Variants in AS3MT observed in about 807,000 individuals in gnomAD.
AS3MT encodes arsenite methyltransferase, also known as S-adenosyl-L-methionine:arsenic(III) methyltransferase.
AS3MT carries 47 observed loss-of-function variants against 45.3 expected under a neutral mutation model. The observed-to-expected ratio is 1.04, with a 90% CI of 0.82 to 1.32. The LOEUF (loss-of-function observed/expected upper bound fraction) is 1.32, where lower values mean the gene tolerates loss of function less well. Ranked by LOEUF, AS3MT falls within the 40% of genes most tolerant of loss-of-function variation. AS3MT has a pLI of 0.00. For synonymous variants in AS3MT, 141 were observed against 152.8 expected, an observed-to-expected ratio of 0.92 and a Z score of 0.57; for missense variants, 396 against 451.1, an observed-to-expected ratio of 0.88 and a Z score of 1.11.
chr10:102,895,339 A>G (rs1845145928), intron 10 of AS3MT, among the ~76,000 whole-genome samples: 2 of 151,854 alleles, frequency 1.3e-5, no homozygotes, highest in South Asian at 4.2e-4. Flanking sequence ...CTGGGATTAC[A>G]GGTGCGCCAG....
chr10:102,874,838 C>T (rs1422204099), intron 6 of AS3MT, among the ~76,000 whole-genome samples, 177 bp downstream of exon 6: 3 of 152,170 alleles, frequency 2.0e-5, no homozygotes, highest in Non-Finnish European at 4.4e-5. Context: ...TACTTTCCCT[C>T]TTAGGTTGCA....
At chr10:102,898,329 C>G (rs1377954679) in intron 10 of AS3MT, among the ~76,000 whole-genome samples, 1 of 151,896 alleles carries the variant, frequency 6.6e-6, no homozygotes. Flanking sequence ...GGCGTGGTGG[C>G]TCACACCTGT....
chr10:102,878,843 T>A lies in AS3MT; in HGVS notation c.743-6T>A. Reference sequence around the variant, plus strand: ...GAGATGAACCGTGAATAAATTCTATTTTTAGGTGACTGTCGTTTTGTTTCT... The same window carrying A: ...GAGATGAACCGTGAATAAATTCTATATTTAGGTGACTGTCGTTTTGTTTCT... On this transcript the variant is annotated splice_polypyrimidine_tract_variant and splice_region_variant and intron_variant, in intron 8 of 10. Transcript: ENST00000369880. 2 of 1,611,402 alleles carry A rather than the reference T, an allele frequency of 1.2e-6. No homozygotes were observed. Among genetic ancestry groups the A allele is most frequent in the Middle Eastern group, 3.3e-4 (2 of 6,040 alleles).
In AS3MT at chr10:102,878,379, G is replaced by A. The variant is rs776081980; in HGVS notation, c.611G>A (p.Gly204Asp). ...TTTTTTGTTGTTGTTTGTTTTTTAG[G>A]TGAGTGTCTGGGTGGTGCTTTATAC... Reference protein sequence around the residue: ...EEIRTHKVLWGECLGGALYWK... With the variant: ...EEIRTHKVLWDECLGGALYWK... Residue 204 changes from glycine to aspartate, a missense_variant and splice_region_variant, in exon 8 of 11, where the codon GGT becomes GAT. Transcript: ENST00000369880. The A allele has an allele frequency of 8.1e-6, 13 of 1,612,230 alleles. No individual in the cohort carries two copies. In the East Asian group the frequency reaches 2.9e-4, roughly 36 times the overall value.
At chr10:102,891,457 G>A (rs1390985093) in intron 10 of AS3MT, among the ~76,000 whole-genome samples, 1 of 152,158 alleles carries the variant, frequency 6.6e-6, no homozygotes, top group Admixed American at 6.5e-5. Flanking sequence ...CTCAAAACAG[G>A]ACAATTGGAG....
rs904393626 is a variant in AS3MT at position 102,900,706 on chromosome 10, T to C, written c.*6T>C. 2 of 1,608,774 alleles carry C rather than the reference T, an allele frequency of 1.2e-6. No individual in the cohort carries two copies. Among genetic ancestry groups the C allele is most frequent in the Admixed American group, 1.7e-5 (1 of 59,982 alleles). ...GCACAAAGAAAAGCTGCTAAATCTATAGCCAACCAGGGGACCACAGTAGTG... is the reference window on the plus strand; with the variant it reads ...GCACAAAGAAAAGCTGCTAAATCTACAGCCAACCAGGGGACCACAGTAGTG... On this transcript the variant is annotated 3_prime_UTR_variant, in exon 11 of 11. Coordinates refer to ENST00000369880, the MANE Select transcript of AS3MT (RefSeq NM_020682.4).
intron 9 of AS3MT, 40 bp downstream of exon 9, chr10:102,879,031 G>A (rs753453310): frequency 2.5e-6 from 4 of 1,583,392 alleles, no homozygotes; most frequent in African/African-American, 1.4e-5. Context: ...TATTCTTTCT[G>A]CTCTTGCCCT....
intron 7 of AS3MT, among the ~76,000 whole-genome samples, chr10:102,877,415 T>C (rs1844799303): frequency 6.6e-6 from 1 of 152,150 alleles, no homozygotes; most frequent in Non-Finnish European, 1.5e-5. Flanking sequence ...TATTCCTTTA[T>C]TATCATTTTA....
chr10:102,879,762 C>T (rs1366258124), intron 9 of AS3MT, among the ~76,000 whole-genome samples: 10 of 133,476 alleles, frequency 7.5e-5, no homozygotes, highest in Non-Finnish European at 1.5e-4. Flanking sequence ...GAGTGAGACT[C>T]CATCTCAAAA....
At chr10:102,878,017 C>A (rs1844814413) in intron 7 of AS3MT, among the ~76,000 whole-genome samples, 1 of 152,102 alleles carries the variant, frequency 6.6e-6, no homozygotes, top group Non-Finnish European at 1.5e-5. Flanking sequence ...TCCCAAAGTG[C>A]TGGGATTACA....
chr10:102,890,486 T>G (rs2134127682), intron 9 of AS3MT, 58 bp from the exon 10 acceptor site: 1 of 1,445,914 alleles, frequency 6.9e-7, no homozygotes, highest in African/African-American at 1.4e-5. Flanking sequence ...TGGGCATTTT[T>G]TCTTCTATTG....
intron 9 of AS3MT, among the ~76,000 whole-genome samples, chr10:102,887,430 C>A (rs1844976109): frequency 6.6e-6 from 1 of 152,096 alleles, no homozygotes; most frequent in Admixed American, 6.6e-5. Flanking sequence ...TTAGAGTCCC[C>A]TACTACTATT....
chr10:102,878,006 C>T (rs1215578887), intron 7 of AS3MT, among the ~76,000 whole-genome samples: 1 of 152,100 alleles, frequency 6.6e-6, no homozygotes, highest in Non-Finnish European at 1.5e-5. Context: ...CCACCTCGGC[C>T]TCCCAAAGTG....
chr10:102,880,016 C>T (rs1844849405), intron 9 of AS3MT, among the ~76,000 whole-genome samples: 1 of 152,070 alleles, frequency 6.6e-6, no homozygotes, highest in Admixed American at 6.6e-5. Flanking sequence ...TGCATAATCA[C>T]AATACCATTA....
intron 9 of AS3MT, among the ~76,000 whole-genome samples, chr10:102,879,646 G>A (rs541003114): frequency 6.6e-6 from 1 of 151,376 alleles, no homozygotes; most frequent in African/African-American, 2.4e-5. Flanking sequence ...GTGGGTGCCT[G>A]TAATCCCAAC....
chr10:102,875,361 C>T (rs1270476435), intron 6 of AS3MT, among the ~76,000 whole-genome samples: 2 of 150,914 alleles, frequency 1.3e-5, no homozygotes, highest in East Asian at 2.0e-4. Context: ...CCTGTAATCC[C>T]AGCTCCTCGG....
chr10:102,883,744 A>G (rs1307791218), intron 9 of AS3MT, among the ~76,000 whole-genome samples: 1 of 151,586 alleles, frequency 6.6e-6, no homozygotes, highest in Non-Finnish European at 1.5e-5. Context: ...AAAACCCCCA[A>G]TAGTCCAAAG....
chr10:102,873,293 A>T (rs1844724791), intron 5 of AS3MT, 60 bp downstream of exon 5: 2 of 1,287,624 alleles, frequency 1.6e-6, no homozygotes, highest in Middle Eastern at 2.6e-4. Context: ...TATTATTATT[A>T]TTATTGAGAT....
At position 102,870,959 on chromosome 10, in the gene AS3MT, A is replaced by G. The variant is rs181847299; in HGVS notation, c.170+748A>G. 5.6e-3 allele frequency among the ~76,000 whole-genome samples: 851 copies of G among 152,294 alleles called. 7 individuals carry two copies. The highest frequency in any genetic ancestry group is 0.019 in the African/African-American group (803 of 41,550). On this transcript the variant is annotated intron_variant, in intron 3 of 10. Transcript: ENST00000369880. ...TTTATCTCGCCTCTCAAATACACCT[A>G]CGCGGCGGGGAGCGGTGGCTCACGT...
Sources: gnomAD v4.1 joint callset for allele counts (sites outside exome capture counted in the v4.1 genomes callset) on GRCh38, gnomAD v4.1.1 for gene constraint, MANE v1.5 for transcripts, NCBI Gene and HGNC (gene_info 2026-07-23, HGNC 2026-07-21) for gene names.